CCDC62: variants seen among roughly 807,000 people sequenced by gnomAD.
CCDC62 encodes the protein coiled-coil domain containing 62.
In CCDC62, 72 loss-of-function variants were observed where a neutral mutation model predicts 80.8. The ratio of observed to expected loss-of-function variants is 0.89; its 90% CI spans 0.74 to 1.08. The LOEUF (loss-of-function observed/expected upper bound fraction) is 1.08. Ranked by LOEUF, CCDC62 falls within the 50% of genes least tolerant of loss-of-function variation. CCDC62 has a pLI of 0.00. For synonymous variants in CCDC62, 286 were observed against 296.5 expected (o/e 0.96, Z 0.36); for missense variants, 704 against 809.4 (o/e 0.87, Z 1.58).
chr12:122,821,130 C>T (rs1406915087), intron 11 of CCDC62, among the ~76,000 whole-genome samples: 1 of 152,144 alleles, frequency 6.6e-6, no homozygotes, highest in East Asian at 1.9e-4. Context: ...CTTTTCCCCA[C>T]CCAGACACCT....
At chr12:122,826,205 G>A (rs2032625569) in intron 12 of CCDC62, among the ~76,000 whole-genome samples, 1 of 152,048 alleles carries the variant, frequency 6.6e-6, no homozygotes. Context: ...CACTGGGGAA[G>A]CAGAGAGCCT....
chr12:122,779,369 T>A (rs1259329427), intron 2 of CCDC62, among the ~76,000 whole-genome samples: 1 of 152,118 alleles, frequency 6.6e-6, no homozygotes. Context: ...CAGCATCTAG[T>A]GAAGCTGAAG....
chr12:122,792,738 C>T (rs2030704448), intron 6 of CCDC62, among the ~76,000 whole-genome samples: 1 of 152,038 alleles, frequency 6.6e-6, no homozygotes, highest in South Asian at 2.1e-4. Context: ...AGGCTGATCT[C>T]GAACTCTGGC....
chr12:122,774,897 G>C (rs1301801939), intron 1 of CCDC62, among the ~76,000 whole-genome samples, 191 bp downstream of exon 1: 1 of 151,424 alleles, frequency 6.6e-6, no homozygotes, highest in African/African-American at 2.4e-5. Context: ...AGACCATCCT[G>C]GCTAACACAG....
chr12:122,796,648 A>G (rs2030974435), intron 6 of CCDC62, among the ~76,000 whole-genome samples: 1 of 152,080 alleles, frequency 6.6e-6, no homozygotes. Context: ...ACATGAGGCC[A>G]GGAGTTCGAG....
chr12:122,784,402 T>C (rs1053106533), intron 3 of CCDC62, among the ~76,000 whole-genome samples: 3 of 152,050 alleles, frequency 2.0e-5, no homozygotes, highest in Non-Finnish European at 4.4e-5. Context: ...GTGCCTGTAA[T>C]CCCAGCTACT....
intron 2 of CCDC62, among the ~76,000 whole-genome samples, chr12:122,779,413 C>A (rs1352967962): frequency 1.3e-5 from 2 of 152,092 alleles, no homozygotes; most frequent in Non-Finnish European, 2.9e-5. Context: ...AAAGCCACTT[C>A]TAGGAATATT....
At position 122,794,087 on chromosome 12, in the gene CCDC62, C is replaced by T. The variant is rs74447817; in HGVS notation, c.772+1966C>T. On this transcript the variant is annotated intron_variant, in intron 6 of 12. Coordinates refer to ENST00000253079, the MANE Select transcript of CCDC62 (RefSeq NM_201435.5). ...AGGAAAGAACAAAGCTTAAAGGATA[C>T]GTTAGTCTCTTTTCTTTTTGATTAA... 1.7e-3 allele frequency among the ~76,000 whole-genome samples: 262 copies of T among 152,236 alleles called. 1 individual carries two copies. The highest frequency in any genetic ancestry group is 5.8e-3 in the African/African-American group (241 of 41,546).
intron 11 of CCDC62, among the ~76,000 whole-genome samples, chr12:122,816,258 A>G (rs2032158971): frequency 6.6e-6 from 1 of 152,190 alleles, no homozygotes; most frequent in Admixed American, 6.6e-5. Flanking sequence ...GCATTAGTGA[A>G]GCGTTGCATT....
chr12:122,798,396 A>G (rs896605499), intron 8 of CCDC62, among the ~76,000 whole-genome samples, 196 bp downstream of exon 8: 2 of 152,088 alleles, frequency 1.3e-5, no homozygotes, highest in Non-Finnish European at 2.9e-5. Flanking sequence ...TGAGGTCAGG[A>G]GTTCGAGACC....
At chr12:122,792,776 G>T (rs1407753462) in intron 6 of CCDC62, among the ~76,000 whole-genome samples, 2 of 152,022 alleles carry the variant, frequency 1.3e-5, no homozygotes, top group Non-Finnish European at 2.9e-5. Flanking sequence ...CCTCAGCCTC[G>T]CAAAGTGCTG....
chr12:122,774,861 G>A (rs1481151760), intron 1 of CCDC62, among the ~76,000 whole-genome samples, 155 bp downstream of exon 1: 1 of 151,576 alleles, frequency 6.6e-6, no homozygotes, highest in Admixed American at 6.6e-5. Flanking sequence ...AGGCGGAGGC[G>A]GGCGGATCAC....
rs1216555605 is a variant in CCDC62 at position 122,810,612 on chromosome 12, C to T, written c.1852-2658C>T. Reference sequence around the variant, plus strand: ...TCAACCATTGTGGAAGACAGTGTGGCGATTACTCAGGGATCTAGAACTAGA... The same window carrying T: ...TCAACCATTGTGGAAGACAGTGTGGTGATTACTCAGGGATCTAGAACTAGA... On this transcript the variant is annotated intron_variant, in intron 10 of 12. Coordinates refer to ENST00000253079, the MANE Select transcript of CCDC62 (RefSeq NM_201435.5). Among the ~76,000 whole-genome samples, 4 of 152,092 alleles carry T rather than the reference C, an allele frequency of 2.6e-5. No individual in the cohort carries two copies. The East Asian group carries it at 7.7e-4, about 29-fold the overall frequency.
intron 1 of CCDC62, chr12:122,777,251 C>T: frequency 2.5e-6 from 1 of 396,262 alleles, no homozygotes; most frequent in Non-Finnish European, 4.6e-6. Flanking sequence ...AGAAACAGTC[C>T]CACTTTTTAG....
intron 10 of CCDC62, among the ~76,000 whole-genome samples, chr12:122,807,117 C>G (rs768528582): frequency 2.0e-5 from 3 of 152,006 alleles, no homozygotes; most frequent in Non-Finnish European, 2.9e-5. Flanking sequence ...GCCTGTAATT[C>G]CAACACTCTT....
chr12:122,781,213 A>G lies in CCDC62; in HGVS notation c.279A>G (p.Val93=). ...TAATCAGGTCACTCACGAAGAAGGT[A>G]AAAGCTCTTGAATCCAATCAAATGG... ...TEIIRSLTKK[V]KALESNQMEC... The change falls in exon 3 of 13, where the codon GTA becomes GTG. Residue 93 remains valine (V), a synonymous_variant. Coordinates refer to ENST00000253079, the MANE Select transcript of CCDC62 (RefSeq NM_201435.5). 6.2e-7 allele frequency: 1 copy of G among 1,613,968 alleles called. No homozygotes were observed. Among genetic ancestry groups the G allele is most frequent in the Non-Finnish European group, 8.5e-7 (1 of 1,179,886 alleles).
At chr12:122,812,756 GGAGA>G (rs551370561) in intron 10 of CCDC62, among the ~76,000 whole-genome samples, 11,088 of 88,236 alleles carry the variant, frequency 0.13, 1,201 homozygotes, top group Non-Finnish European at 0.14. Context: ...AGAGAGGGAG[GGAGA>G]GAGAGAGAGA....
At chr12:122,803,846 T>C (rs1487735277) in intron 9 of CCDC62, among the ~76,000 whole-genome samples, 1 of 152,214 alleles carries the variant, frequency 6.6e-6, no homozygotes, top group African/African-American at 2.4e-5. Context: ...GACAAGCTTA[T>C]GTCAGATAGT....
intron 10 of CCDC62, among the ~76,000 whole-genome samples, chr12:122,810,227 C>G (rs2031810791): frequency 6.6e-6 from 1 of 152,062 alleles, no homozygotes; most frequent in Admixed American, 6.6e-5. Flanking sequence ...TCAGAGTGAA[C>G]AGGCAACCTA....
Sources: allele counts gnomAD v4.1 joint callset (sites outside exome capture counted in the v4.1 genomes callset), GRCh38; gene constraint gnomAD v4.1.1; transcripts MANE v1.5; gene names NCBI Gene and HGNC (gene_info 2026-07-23, HGNC 2026-07-21).